Variants in BANP observed in about 807,000 individuals in gnomAD.
BANP encodes protein BANP.
In BANP, 11 loss-of-function variants were observed where a neutral mutation model predicts 68.1. The ratio of observed to expected loss-of-function variants is 0.16; its 90% CI spans 0.10 to 0.27. BANP has a LOEUF of 0.27. Among genes scored for constraint, BANP ranks in the 10% least tolerant of loss-of-function variants. The probability of loss-of-function intolerance (pLI) is 1.00; values close to 1 mark genes in which losing one functional copy is unlikely to be tolerated. For missense variants in BANP, 504 were observed against 722.7 expected, an observed-to-expected ratio of 0.70 and a Z score of 3.47; for synonymous variants, 329 against 303.2, an observed-to-expected ratio of 1.09 and a Z score of -0.88.
At chr16:88,047,088 TATC>T (rs1012390171) in intron 11 of BANP, among the ~76,000 whole-genome samples, 8 of 151,896 alleles carry the variant, frequency 5.3e-5, no homozygotes, top group South Asian at 4.2e-4. Context: ...AAAAAATCCT[TATC>T]ATGTGAACGT....
At chr16:87,953,185 A>T (rs1467335983) in intron 1 of BANP, among the ~76,000 whole-genome samples, 1 of 138,934 alleles carries the variant, frequency 7.2e-6, no homozygotes, top group Non-Finnish European at 1.5e-5. Flanking sequence ...TCTGAAGCCT[A>T]TGTTCTTAAA....
intron 12 of BANP, among the ~76,000 whole-genome samples, chr16:88,067,433 C>T (rs2088995804): frequency 6.6e-6 from 1 of 152,160 alleles, no homozygotes; most frequent in African/African-American, 2.4e-5. Flanking sequence ...TGTGACCCTG[C>T]ACCCTGCTGC....
At position 87,983,916 on chromosome 16, in the gene BANP, A is replaced by T. The variant is rs2063783473; in HGVS notation, c.163-144A>T. ...TGTTACTCACATGTTTCTGGCTCAT[A>T]GCTCACGGGCTATTTCCAGTGTGGG... On this transcript the variant is annotated intron_variant, in intron 3 of 13. Coordinates refer to ENST00000682872, the MANE Select transcript of BANP (RefSeq NM_001386991.1). 3.1e-6 allele frequency: 4 copies of T among 1,290,848 alleles called. No individual in the cohort carries two copies. In the Admixed American group the frequency reaches 8.1e-5, roughly 26 times the overall value. The allele number at this position is 1,290,848 out of a possible 1,614,324, so 80.0% of individuals were successfully genotyped here.
chr16:87,993,218 C>T (rs576786162), intron 4 of BANP, among the ~76,000 whole-genome samples: 3 of 152,324 alleles, frequency 2.0e-5, no homozygotes, highest in South Asian at 4.1e-4. Context: ...GGTGGCTCTT[C>T]AGCATTTTCC....
chr16:88,015,182 C>T (rs2152636767), intron 6 of BANP, among the ~76,000 whole-genome samples: 1 of 148,858 alleles, frequency 6.7e-6, no homozygotes, highest in East Asian at 2.0e-4. Context: ...CTGCCTGTGC[C>T]CTCTGCCCGT....
chr16:87,999,148 G>C (rs1415065365), intron 4 of BANP, among the ~76,000 whole-genome samples: 7 of 139,584 alleles, frequency 5.0e-5, no homozygotes, highest in African/African-American at 1.9e-4. Flanking sequence ...GTGCATGGCT[G>C]TACTTACCTG....
At position 88,071,714 on chromosome 16, in the gene BANP, G is replaced by A. The variant is rs1197481116; in HGVS notation, c.1378-355G>A. On this transcript the variant is annotated intron_variant, in intron 12 of 13. Transcript: ENST00000682872. The surrounding 1 kb of genome is among the most constrained non-coding windows in gnomAD (Gnocchi z 6.5). Reference sequence around the variant, plus strand: ...TCTGGGAGCGCTTGTGCTCTTCATGGTTGCCACTGGGATTTTCCAGGAGGC... The same window carrying A: ...TCTGGGAGCGCTTGTGCTCTTCATGATTGCCACTGGGATTTTCCAGGAGGC... 1 of 518,940 alleles carries A rather than the reference G, an allele frequency of 1.9e-6. No homozygotes were observed. The allele number at this position is 518,940 out of a possible 1,614,324, so 32.1% of individuals were successfully genotyped here.
intron 1 of BANP, among the ~76,000 whole-genome samples, chr16:87,973,768 A>AAAAAAAAAAAAAGAAAG (rs2061546192): frequency 9.5e-6 from 1 of 104,940 alleles, no homozygotes. Flanking sequence ...AAAAAAAAAA[A>AAAAAAAAAAAAAGAAAG]AAAAAAGAAA....
At position 88,014,130 on chromosome 16, in the gene BANP, A is replaced by G. The variant is rs140046748; in HGVS notation, c.656-4298A>G. On this transcript the variant is annotated intron_variant, in intron 6 of 13. Transcript: ENST00000682872. Reference sequence around the variant, plus strand: ...TCAGAGTCTCCTGCGGTGCTGAAAAAGGCCAGGAAGAAGTGTTGAGGCCTG... The same window carrying G: ...TCAGAGTCTCCTGCGGTGCTGAAAAGGGCCAGGAAGAAGTGTTGAGGCCTG... Among the ~76,000 whole-genome samples, 14 of 152,290 alleles carry G rather than the reference A, an allele frequency of 9.2e-5. No individual in the cohort carries two copies. The East Asian group carries it at 2.7e-3, about 29-fold the overall frequency.
At chr16:88,051,310 G>T (rs950911435) in intron 11 of BANP, among the ~76,000 whole-genome samples, 1 of 152,270 alleles carries the variant, frequency 6.6e-6, no homozygotes, top group Admixed American at 6.5e-5. Context: ...GAGGTGTGGG[G>T]CGGCCTGCAG....
chr16:88,011,298 C>T (rs941439966), intron 6 of BANP, among the ~76,000 whole-genome samples: 18 of 151,966 alleles, frequency 1.2e-4, no homozygotes, highest in Non-Finnish European at 1.8e-4. Flanking sequence ...ACCTCCCCCA[C>T]CCTGAAAGAC....
chr16:87,975,227 A>G lies in BANP; in HGVS notation c.70+42A>G, dbSNP rs202083522. On this transcript the variant is annotated intron_variant, in intron 2 of 13. Coordinates refer to ENST00000682872, the MANE Select transcript of BANP (RefSeq NM_001386991.1). ...CAGTAGGTGAAATATTATTCTCTTT[A>G]TTCTTCAAAAACCAAAAGCTGCTCC... 9 of 1,601,126 alleles carry G rather than the reference A, an allele frequency of 5.6e-6. 1 individual carries two copies. The highest frequency in any genetic ancestry group is 2.2e-5 in the East Asian group (1 of 44,816).
In BANP at chr16:88,064,612, C is replaced by T. The variant is rs555851870; in HGVS notation, c.1312-655C>T. Among the ~76,000 whole-genome samples, 3 of 152,360 alleles carry T rather than the reference C, an allele frequency of 2.0e-5. No individual in the cohort carries two copies. In the South Asian group the frequency reaches 6.2e-4, roughly 32 times the overall value. On this transcript the variant is annotated intron_variant, in intron 11 of 13. Coordinates refer to ENST00000682872, the MANE Select transcript of BANP (RefSeq NM_001386991.1). The surrounding 1 kb of genome is among the most constrained non-coding windows in gnomAD (Gnocchi z 4.5). ...CGCCTGTGTGGCACCACGTGGCACT[C>T]CCCGAGGAGGCCTGGGGACCCCTCC...
chr16:87,994,859 T>C (rs1311035066), intron 4 of BANP, among the ~76,000 whole-genome samples: 1 of 152,350 alleles, frequency 6.6e-6, no homozygotes, highest in South Asian at 2.1e-4. Flanking sequence ...GTGCTGATTG[T>C]ATTGATTAGG....
chr16:87,991,783 T>C (rs1018843484), intron 4 of BANP, among the ~76,000 whole-genome samples: 8 of 152,380 alleles, frequency 5.3e-5, no homozygotes, highest in African/African-American at 1.9e-4. Flanking sequence ...TTAGATTTTC[T>C]GTAGGATTTT....
chr16:87,959,109 G>A (rs1213308383), intron 1 of BANP, among the ~76,000 whole-genome samples: 7 of 152,192 alleles, frequency 4.6e-5, no homozygotes, highest in Non-Finnish European at 8.8e-5. Context: ...GGACGGGATG[G>A]CACGCTTTTC....
chr16:88,045,928 C>T (rs769689895), intron 11 of BANP, among the ~76,000 whole-genome samples: 6 of 152,214 alleles, frequency 3.9e-5, no homozygotes, highest in Non-Finnish European at 7.4e-5. Flanking sequence ...AGCACCTGCT[C>T]AGGAAGTTGG....
intron 11 of BANP, among the ~76,000 whole-genome samples, chr16:88,046,075 C>T (rs1305909537): frequency 6.6e-6 from 1 of 152,194 alleles, no homozygotes. Context: ...GCACTGGTGC[C>T]CAGGTGGTGA....
At chr16:87,963,477 A>C (rs1369219763) in intron 1 of BANP, 1 of 152,218 alleles carries the variant, frequency 6.6e-6, no homozygotes, top group African/African-American at 2.4e-5. Context: ...GGATCTGATC[A>C]CGGGTAGGTG....
Sources: gnomAD v4.1 joint callset for allele counts (sites outside exome capture counted in the v4.1 genomes callset) on GRCh38, gnomAD v4.1.1 for gene constraint, Gnocchi (gnomAD v3.1) non-coding constraint, MANE v1.5 for transcripts, NCBI Gene and HGNC (gene_info 2026-07-23, HGNC 2026-07-21) for gene names.